Variants in CYFIP2 observed in about 807,000 individuals in gnomAD.
CYFIP2 encodes the protein cytoplasmic FMR1 interacting protein 2, also known as cytoplasmic FMR1-interacting protein 2.
In CYFIP2, 29 loss-of-function variants were observed where a neutral mutation model predicts 158.7. The observed-to-expected ratio is 0.18, with a 90% CI of 0.14 to 0.25. The LOEUF is 0.25. Ranked by LOEUF, CYFIP2 falls within the 10% of genes least tolerant of loss-of-function variation. The pLI, the probability that CYFIP2 is intolerant of heterozygous loss-of-function variation, is 1.00. For missense variants in CYFIP2, 852 were observed against 1,639.5 expected (o/e 0.52, Z 8.29); for synonymous variants, 585 against 617.6 (o/e 0.95, Z 0.78).
At chr5:157,320,362 C>G (rs1201000043) in intron 14 of CYFIP2, among the ~76,000 whole-genome samples, 1 of 152,174 alleles carries the variant, frequency 6.6e-6, no homozygotes, top group Non-Finnish European at 1.5e-5. Context: ...AAATACAGAC[C>G]TCTTGCCTCA....
chr5:157,292,519 A>G (rs2113863027), intron 3 of CYFIP2, among the ~76,000 whole-genome samples: 1 of 152,264 alleles, frequency 6.6e-6, no homozygotes, highest in South Asian at 2.1e-4. Context: ...GCGCCTGGCC[A>G]GCATAATGTT....
chr5:157,276,476 C>T (rs1372773770), intron 1 of CYFIP2, among the ~76,000 whole-genome samples: 2 of 152,120 alleles, frequency 1.3e-5, no homozygotes, highest in Admixed American at 6.6e-5. Context: ...TGGGATAAAT[C>T]TCACTTGTTC....
At chr5:157,273,539 T>C (rs990914111) in intron 1 of CYFIP2, among the ~76,000 whole-genome samples, 3 of 152,142 alleles carry the variant, frequency 2.0e-5, no homozygotes, top group Non-Finnish European at 2.9e-5. Context: ...GGGCCTGCCC[T>C]GTATGGTCTA....
chr5:157,344,766 A>G (rs1461555310), intron 23 of CYFIP2, among the ~76,000 whole-genome samples: 1 of 152,174 alleles, frequency 6.6e-6, no homozygotes, highest in Non-Finnish European at 1.5e-5. Context: ...TTGCAGTGAC[A>G]TAGTAAACAG....
intron 3 of CYFIP2, among the ~76,000 whole-genome samples, chr5:157,292,305 C>T (rs1289532687): frequency 6.6e-6 from 1 of 151,888 alleles, no homozygotes; most frequent in Non-Finnish European, 1.5e-5. Context: ...CCGCAACTTC[C>T]ACCTCCCGGG....
intron 7 of CYFIP2, among the ~76,000 whole-genome samples, chr5:157,303,704 C>G (rs1758974356): frequency 1.3e-5 from 2 of 152,048 alleles, no homozygotes; most frequent in African/African-American, 2.4e-5. Flanking sequence ...CTCTGCATAC[C>G]CTGCAGGGGC....
At chr5:157,317,850 G>C (rs1392754061) in intron 13 of CYFIP2, among the ~76,000 whole-genome samples, 2 of 152,058 alleles carry the variant, frequency 1.3e-5, no homozygotes, top group Admixed American at 1.3e-4. Flanking sequence ...GATGAGTTTT[G>C]GTATTATTCT....
chr5:157,322,418 A>G (rs1469087304), intron 15 of CYFIP2, among the ~76,000 whole-genome samples: 1 of 152,232 alleles, frequency 6.6e-6, no homozygotes, highest in African/African-American at 2.4e-5. Flanking sequence ...AGTACGTGGG[A>G]AAAAAGTTCA....
chr5:157,318,133 AAT>A (rs1760301075), intron 13 of CYFIP2, among the ~76,000 whole-genome samples: 1 of 152,210 alleles, frequency 6.6e-6, no homozygotes, highest in African/African-American at 2.4e-5. Context: ...TCTTCAGTCA[AAT>A]ATATGTCGCA....
chr5:157,346,524 C>A (rs954275631), intron 23 of CYFIP2, among the ~76,000 whole-genome samples: 19 of 152,138 alleles, frequency 1.2e-4, no homozygotes, highest in Admixed American at 2.0e-4. Flanking sequence ...ATGCTGCCAT[C>A]AGCCAAGGAA....
chr5:157,371,662 T>C (rs1012873291), intron 26 of CYFIP2, among the ~76,000 whole-genome samples: 8 of 152,230 alleles, frequency 5.3e-5, no homozygotes, highest in African/African-American at 1.7e-4. Context: ...GTTTTTGATA[T>C]TTGATGGAAT....
intron 15 of CYFIP2, among the ~76,000 whole-genome samples, chr5:157,323,627 C>T (rs974015139): frequency 2.0e-4 from 31 of 152,180 alleles, no homozygotes; most frequent in African/African-American, 7.5e-4. Context: ...TCCAGGGTGA[C>T]ACGTAATGAG....
intron 17 of CYFIP2, 39 bp downstream of exon 17, chr5:157,325,677 T>C (rs780157402): frequency 2.1e-5 from 33 of 1,553,794 alleles, no homozygotes; most frequent in Non-Finnish European, 2.8e-5. Context: ...GCTCCTGGGG[T>C]ACAAGTAGAG....
At chr5:157,389,886 G>A (rs912240942) in intron 29 of CYFIP2, among the ~76,000 whole-genome samples, 4 of 152,206 alleles carry the variant, frequency 2.6e-5, no homozygotes, top group Non-Finnish European at 4.4e-5. Flanking sequence ...ACAGTGATGG[G>A]GAACTGGGGA....
intron 18 of CYFIP2, 88 bp from the exon 19 acceptor site, chr5:157,327,885 C>A: frequency 7.7e-7 from 1 of 1,294,350 alleles, no homozygotes; most frequent in Non-Finnish European, 1.1e-6. Flanking sequence ...TCTGGGCAAT[C>A]CTGCCTGACT....
intron 2 of CYFIP2, among the ~76,000 whole-genome samples, chr5:157,286,144 A>G (rs1757357007): frequency 6.6e-6 from 1 of 152,186 alleles, no homozygotes; most frequent in South Asian, 2.1e-4. Context: ...CATTCAGTAG[A>G]TGTATGAAGT....
intron 23 of CYFIP2, among the ~76,000 whole-genome samples, chr5:157,357,756 G>C (rs745817763): frequency 1.3e-5 from 2 of 151,906 alleles, no homozygotes; most frequent in Non-Finnish European, 2.9e-5. Context: ...GCTTGAACCC[G>C]AGGCAGAGAT....
intron 28 of CYFIP2, among the ~76,000 whole-genome samples, chr5:157,385,360 A>C (rs1346892217): frequency 6.6e-6 from 1 of 152,268 alleles, no homozygotes; most frequent in Non-Finnish European, 1.5e-5. Flanking sequence ...GAAATAGTCC[A>C]AAACTTAGTC....
At chr5:157,387,586 T>C (rs1766825616) in intron 28 of CYFIP2, among the ~76,000 whole-genome samples, 1 of 152,226 alleles carries the variant, frequency 6.6e-6, no homozygotes, top group South Asian at 2.1e-4. Flanking sequence ...ACATTCTCTT[T>C]CTGAAATGGG....
Sources: gnomAD v4.1 joint callset for allele counts (sites outside exome capture counted in the v4.1 genomes callset) on GRCh38, gnomAD v4.1.1 for gene constraint, MANE v1.5 for transcripts, NCBI Gene and HGNC (gene_info 2026-07-23, HGNC 2026-07-21) for gene names.